TNFAIP8: variants seen among roughly 807,000 people sequenced by gnomAD.
TNFAIP8 encodes tumor necrosis factor alpha-induced protein 8.
In TNFAIP8, 7 loss-of-function variants were observed where a neutral mutation model predicts 13.3. The observed-to-expected ratio is 0.52, with a 90% CI of 0.30 to 0.99. The LOEUF (loss-of-function observed/expected upper bound fraction) is 0.99, where lower values mean the gene tolerates loss of function less well. TNFAIP8 is among the 50% of genes least tolerant of loss of function. TNFAIP8 has a pLI of 0.07. For synonymous variants in TNFAIP8, 94 were observed against 87.6 expected, an observed-to-expected ratio of 1.07 and a Z score of -0.41; for missense variants, 258 against 236.9, an observed-to-expected ratio of 1.09 and a Z score of -0.58.
chr5:119,302,476 A>AT (rs1561991521), intron 1 of TNFAIP8, among the ~76,000 whole-genome samples: 9 of 152,198 alleles, frequency 5.9e-5, no homozygotes, highest in Admixed American at 3.3e-4. Flanking sequence ...AAAAGTAAAA[A>AT]TTCACCTGTC....
At chr5:119,322,174 C>T (rs1333928963) in intron 1 of TNFAIP8, among the ~76,000 whole-genome samples, 16 of 152,234 alleles carry the variant, frequency 1.1e-4, no homozygotes. Flanking sequence ...GCCCCTGCCT[C>T]TGGTTTGTTT....
intron 1 of TNFAIP8, among the ~76,000 whole-genome samples, chr5:119,388,168 A>G (rs1177616085): frequency 2.0e-5 from 3 of 152,230 alleles, no homozygotes; most frequent in Non-Finnish European, 2.9e-5. Context: ...AAATATTTGC[A>G]TTATTGTCCT....
chr5:119,269,277 A>G (rs1326737318), intron 1 of TNFAIP8, among the ~76,000 whole-genome samples: 1 of 152,110 alleles, frequency 6.6e-6, no homozygotes, highest in Admixed American at 6.5e-5. Flanking sequence ...CTGTAACCGC[A>G]CATACTGGCG....
chr5:119,392,813 T>TC lies in TNFAIP8; in HGVS notation c.32-3_32-2insC, dbSNP rs1215289204. 2.0e-6 allele frequency: 3 copies of TC among 1,501,652 alleles called. No individual in the cohort carries two copies. Among genetic ancestry groups the TC allele is most frequent in the African/African-American group, 2.9e-5 (2 of 70,172 alleles). 93.0% of individuals were successfully genotyped at this position (1,501,652 alleles called of 1,614,324 possible). A position where few individuals can be genotyped will look rare whatever the true frequency, so the allele number is the denominator to read the frequency against. On this transcript the variant is annotated splice_polypyrimidine_tract_variant and splice_region_variant and intron_variant, in intron 1 of 1. Transcript: ENST00000504771. Reference sequence around the variant, plus strand: ...TTCTTTTCCTCTCTTTTTTTTTTTTTAGTGGCCACAGATGTCTTTAATTCC... The same window carrying TC: ...TTCTTTTCCTCTCTTTTTTTTTTTTTCAGTGGCCACAGATGTCTTTAATTCC...
chr5:119,291,951 T>C (rs1749002218), intron 1 of TNFAIP8, among the ~76,000 whole-genome samples: 1 of 152,130 alleles, frequency 6.6e-6, no homozygotes, highest in Non-Finnish European at 1.5e-5. Flanking sequence ...GACCTAAAGA[T>C]AGAAAGCAGA....
At chr5:119,335,563 C>G (rs1294321565) in intron 1 of TNFAIP8, among the ~76,000 whole-genome samples, 1 of 152,038 alleles carries the variant, frequency 6.6e-6, no homozygotes, top group African/African-American at 2.4e-5. Context: ...AGAGAGCCCT[C>G]TGACCATAAG....
At chr5:119,339,458 T>TG (rs1491162274) in intron 1 of TNFAIP8, among the ~76,000 whole-genome samples, 1 of 91,364 alleles carries the variant, frequency 1.1e-5, no homozygotes, top group African/African-American at 5.8e-5. Flanking sequence ...TCTTGTGGTG[T>TG]TTTTTTTTTT....
chr5:119,367,967 G>T (rs32658), intron 1 of TNFAIP8, among the ~76,000 whole-genome samples: 57,569 of 152,000 alleles, frequency 0.38, 11,193 homozygotes, highest in South Asian at 0.52. Context: ...ATGAGAATCA[G>T]CTAGAGTCAG....
intron 1 of TNFAIP8, among the ~76,000 whole-genome samples, chr5:119,325,211 C>G (rs1414237875): frequency 6.6e-6 from 1 of 152,198 alleles, no homozygotes; most frequent in Non-Finnish European, 1.5e-5. Flanking sequence ...GCGCAGTTTC[C>G]TTGCACTTGT....
intron 1 of TNFAIP8, among the ~76,000 whole-genome samples, chr5:119,303,604 G>A (rs543718777): frequency 9.9e-5 from 15 of 152,244 alleles, no homozygotes; most frequent in East Asian, 5.8e-4. Context: ...CATATTAACC[G>A]GAAAGGTTGA....
chr5:119,329,565 T>G (rs1291663685), intron 1 of TNFAIP8, among the ~76,000 whole-genome samples: 1 of 152,182 alleles, frequency 6.6e-6, no homozygotes, highest in African/African-American at 2.4e-5. Context: ...GTCTGGTGAA[T>G]CATGGATGCT....
In TNFAIP8 at chr5:119,294,260, T is replaced by C. The variant is rs577378657; in HGVS notation, c.1+25353T>C. On this transcript the variant is annotated intron_variant, in intron 1 of 1. Coordinates refer to the TNFAIP8 transcript ENST00000274456. ...CCCTTCCCGTGTCCATGTGTTCTCATTGTTCAATTCCCACCTATGAGTGAG... is the reference window on the plus strand; with the variant it reads ...CCCTTCCCGTGTCCATGTGTTCTCACTGTTCAATTCCCACCTATGAGTGAG... Among the ~76,000 whole-genome samples, 99 of 143,192 alleles carry C rather than the reference T, an allele frequency of 6.9e-4. 1 individual carries two copies. Among genetic ancestry groups the C allele is most frequent in the African/African-American group, 2.5e-3 (97 of 39,158 alleles). 93.9% of individuals were successfully genotyped at this position (143,192 alleles called of 152,430 possible).
chr5:119,333,515 T>C, intron 1 of TNFAIP8: 1 of 1,522,266 alleles, frequency 6.6e-7, no homozygotes, highest in Non-Finnish European at 8.8e-7. Flanking sequence ...TGATGCAGGT[T>C]CCATAGTGTA....
At chr5:119,279,398 T>G (rs1748562613) in intron 1 of TNFAIP8, among the ~76,000 whole-genome samples, 1 of 152,208 alleles carries the variant, frequency 6.6e-6, no homozygotes, top group Admixed American at 6.5e-5. Flanking sequence ...CTTCACATTT[T>G]GTTGTTTTTA....
chr5:119,313,426 A>C (rs1389127319), intron 1 of TNFAIP8, among the ~76,000 whole-genome samples: 2 of 152,126 alleles, frequency 1.3e-5, no homozygotes, highest in African/African-American at 4.8e-5. Context: ...TTTTGCTTTC[A>C]CTTTCTTGAG....
chr5:119,310,165 G>C (rs1561995013), intron 1 of TNFAIP8, among the ~76,000 whole-genome samples: 1 of 152,166 alleles, frequency 6.6e-6, no homozygotes, highest in Non-Finnish European at 1.5e-5. Context: ...GTATCTGTCA[G>C]AACTCAGATG....
At chr5:119,374,060 G>A (rs975667204) in intron 1 of TNFAIP8, among the ~76,000 whole-genome samples, 1 of 152,034 alleles carries the variant, frequency 6.6e-6, no homozygotes, top group Non-Finnish European at 1.5e-5. Context: ...CATTCACATA[G>A]TATATAGGGT....
At chr5:119,373,033 A>G (rs1325705525) in intron 1 of TNFAIP8, among the ~76,000 whole-genome samples, 1 of 152,172 alleles carries the variant, frequency 6.6e-6, no homozygotes, top group Admixed American at 6.5e-5. Flanking sequence ...TTTGTCCTAT[A>G]TCTCTACCAT....
At chr5:119,287,884 G>A (rs760085958) in intron 1 of TNFAIP8, among the ~76,000 whole-genome samples, 3 of 152,116 alleles carry the variant, frequency 2.0e-5, no homozygotes, top group Non-Finnish European at 4.4e-5. Context: ...GAAAATTGTG[G>A]CTTTACTAAC....
Sources: gnomAD v4.1 joint callset for allele counts (sites outside exome capture counted in the v4.1 genomes callset) on GRCh38, gnomAD v4.1.1 for gene constraint, MANE v1.5 for transcripts, NCBI Gene and HGNC (gene_info 2026-07-23, HGNC 2026-07-21) for gene names.